EXT2: variants seen among roughly 807,000 people sequenced by gnomAD.
EXT2 encodes the protein exostosin glycosyltransferase 2, also known as exostosin-2.
EXT2 carries 53 observed loss-of-function variants against 81.6 expected under a neutral mutation model. That is an observed-to-expected ratio of 0.65 (90% CI 0.52 to 0.82). The LOEUF (loss-of-function observed/expected upper bound fraction) is 0.82, where lower values mean the gene tolerates loss of function less well. EXT2 is among the 40% of genes least tolerant of loss of function. EXT2 has a pLI of 0.00. For missense variants in EXT2, 774 were observed against 910.2 expected (o/e 0.85, Z 1.93); for synonymous variants, 320 against 340.0 (o/e 0.94, Z 0.65).
intron 10 of EXT2, among the ~76,000 whole-genome samples, chr11:44,213,299 C>T (rs1373419885): frequency 1.3e-5 from 2 of 152,112 alleles, no homozygotes; most frequent in Non-Finnish European, 2.9e-5. Flanking sequence ...GTGTACAGAT[C>T]CAGCATCTCA....
chr11:44,175,513 G>A (rs1955147191), intron 8 of EXT2, among the ~76,000 whole-genome samples: 1 of 150,746 alleles, frequency 6.6e-6, no homozygotes, highest in Non-Finnish European at 1.5e-5. Context: ...CCTTTTCCTT[G>A]GCACACCTTT....
At chr11:44,184,864 G>C (rs1315240288) in intron 8 of EXT2, among the ~76,000 whole-genome samples, 2 of 152,216 alleles carry the variant, frequency 1.3e-5, no homozygotes, top group Non-Finnish European at 2.9e-5. Flanking sequence ...GTAAACACTA[G>C]TGTAGTACTC....
At chr11:44,173,906 C>CT (rs1360409090) in intron 8 of EXT2, among the ~76,000 whole-genome samples, 3 of 152,156 alleles carry the variant, frequency 2.0e-5, no homozygotes, top group Non-Finnish European at 2.9e-5. Context: ...GGCATACTTT[C>CT]ATATGTTTAC....
intron 10 of EXT2, among the ~76,000 whole-genome samples, chr11:44,217,388 G>T (rs1955732352): frequency 6.6e-6 from 1 of 152,108 alleles, no homozygotes; most frequent in South Asian, 2.1e-4. Context: ...GGGGTTATTT[G>T]TGTGTTTATA....
rs545115399 is a variant in EXT2, at chr11:44,110,162, C to T, written c.626+879C>T. On this transcript the variant is annotated intron_variant, in intron 3 of 13. Transcript: ENST00000533608. ...AAAGGTAACAGCCTGAGGTATTAGC[C>T]TGAGAACAGCCTGAGGCTAGTTCTC... Among the ~76,000 whole-genome samples the T allele has an allele frequency of 1.7e-4, 26 of 152,286 alleles. No individual in the cohort carries two copies. In the Middle Eastern group the frequency reaches 0.024, roughly 139 times the overall value.
chr11:44,235,924 TA>T (rs1955957961), intron 12 of EXT2, among the ~76,000 whole-genome samples: 1 of 152,216 alleles, frequency 6.6e-6, no homozygotes, highest in Non-Finnish European at 1.5e-5. Context: ...GAACTAAGGT[TA>T]CGGTGAAAGT....
Position 44,251,076 on chromosome 11 carries a change from A to T in EXT2, c.*6789A>T, listed in dbSNP as rs1051805324. On this transcript the variant is annotated 3_prime_UTR_variant, in exon 14 of 14. Coordinates refer to ENST00000533608, the MANE Select transcript of EXT2 (RefSeq NM_207122.2). ...CTGTTTTCTGGATATAGTTCCAATAATTTTTTTCCTAACAGCCTTTTTGTC... is the reference window on the plus strand; with the variant it reads ...CTGTTTTCTGGATATAGTTCCAATATTTTTTTTCCTAACAGCCTTTTTGTC... Among the ~76,000 whole-genome samples, 3 of 151,944 alleles carry T rather than the reference A, an allele frequency of 2.0e-5. No individual in the cohort carries two copies. Among genetic ancestry groups the T allele is most frequent in the Non-Finnish European group, 2.9e-5 (2 of 67,988 alleles).
At chr11:44,222,712 T>C (rs1955794912) in intron 10 of EXT2, among the ~76,000 whole-genome samples, 1 of 151,914 alleles carries the variant, frequency 6.6e-6, no homozygotes, top group Non-Finnish European at 1.5e-5. Context: ...CTTCAGACTC[T>C]AGGGCTAGGC....
intron 7 of EXT2, among the ~76,000 whole-genome samples, chr11:44,161,501 G>T (rs183525882): frequency 1.3e-5 from 2 of 150,222 alleles, no homozygotes; most frequent in African/African-American, 4.9e-5. Context: ...CAAGACCCTG[G>T]CTCTTAAAAA....
intron 13 of EXT2, among the ~76,000 whole-genome samples, chr11:44,242,727 G>A (rs1956051046): frequency 6.6e-6 from 1 of 152,214 alleles, no homozygotes; most frequent in African/African-American, 2.4e-5. Flanking sequence ...GTGCTCAGCA[G>A]TTGTTAATTT....
At chr11:44,206,461 G>T (rs1477648013) in intron 9 of EXT2, among the ~76,000 whole-genome samples, 8 of 152,138 alleles carry the variant, frequency 5.3e-5, no homozygotes, top group South Asian at 4.2e-4. Context: ...TTGCTTCTCT[G>T]CCTCTCAATT....
chr11:44,175,391 C>CTTTTTTTTTTTTTCTTTTTTTTTTTTTTT (rs1183606509), intron 8 of EXT2, among the ~76,000 whole-genome samples: 1 of 144,000 alleles, frequency 6.9e-6, no homozygotes, highest in Non-Finnish European at 1.5e-5. Flanking sequence ...TTTTCTTTTT[C>CTTTTTTTTTTTTTCTTTTTTTTTTTTTTT]TTTTTTTTTT....
At chr11:44,156,313 T>G (rs910071595) in intron 7 of EXT2, among the ~76,000 whole-genome samples, 2 of 152,204 alleles carry the variant, frequency 1.3e-5, no homozygotes, top group East Asian at 1.9e-4. Context: ...TTGAATAAAC[T>G]TTCTACCTCA....
intron 13 of EXT2, among the ~76,000 whole-genome samples, chr11:44,239,617 T>G (rs1956011664): frequency 6.6e-6 from 1 of 150,470 alleles, no homozygotes; most frequent in South Asian, 2.1e-4. Context: ...GGTCTTGATC[T>G]CCTGACCTCA....
At chr11:44,183,813 T>G (rs1328792102) in intron 8 of EXT2, among the ~76,000 whole-genome samples, 3 of 152,228 alleles carry the variant, frequency 2.0e-5, no homozygotes, top group Admixed American at 6.5e-5. Context: ...GCCTTCTTCA[T>G]AGCATCTTTT....
At position 44,159,188 on chromosome 11, in the gene EXT2, T is replaced by C. The variant is rs144651068; in HGVS notation, c.1174-12423T>C. Among the ~76,000 whole-genome samples, 1,165 of 151,908 alleles carry C rather than the reference T, an allele frequency of 7.7e-3. 12 individuals are homozygous for C. The highest frequency in any genetic ancestry group is 0.026 in the African/African-American group (1,074 of 41,484). On this transcript the variant is annotated intron_variant, in intron 7 of 13. Transcript: ENST00000533608. ...AGCTTCCTGGATCTGTAGTTTGGTA[T>C]CTTGATATTATTTTGGTAAAATCCT... is the stretch of plus-strand genomic sequence containing the variant.
At chr11:44,144,711 G>C in intron 7 of EXT2, among the ~76,000 whole-genome samples, 1 of 152,168 alleles carries the variant, frequency 6.6e-6, no homozygotes, top group Non-Finnish European at 1.5e-5. Context: ...ACATGACTCA[G>C]GCTTCCCCTT....
chr11:44,196,325 A>G (rs1162981198), intron 8 of EXT2, among the ~76,000 whole-genome samples: 1 of 152,142 alleles, frequency 6.6e-6, no homozygotes, highest in Non-Finnish European at 1.5e-5. Context: ...CTTTTTAAAA[A>G]ATTCACTGTG....
Position 44,134,686 on chromosome 11 carries a change from A to G in EXT2, c.1173+4548A>G, listed in dbSNP as rs528083617. On this transcript the variant is annotated intron_variant, in intron 7 of 13. Coordinates refer to ENST00000533608, the MANE Select transcript of EXT2 (RefSeq NM_207122.2). ...GATAGACACTAGACTGTATCGTTAG[A>G]AATGTTTGTATGGATAGGGAGGAAG... is the stretch of plus-strand genomic sequence containing the variant. Among the ~76,000 whole-genome samples the G allele has an allele frequency of 2.0e-5, 3 of 152,324 alleles. No homozygotes were observed. The East Asian group carries it at 5.8e-4, about 29-fold the overall frequency.
Sources: allele counts gnomAD v4.1 joint callset (sites outside exome capture counted in the v4.1 genomes callset), GRCh38; gene constraint gnomAD v4.1.1; transcripts MANE v1.5; gene names NCBI Gene and HGNC (gene_info 2026-07-23, HGNC 2026-07-21).